The following IGF2BP3 variants were observed in gnomAD, a reference collection of about 807,000 sequenced individuals.
IGF2BP3 encodes insulin-like growth factor 2 mRNA-binding protein 3.
IGF2BP3 carries 9 observed loss-of-function variants against 73.8 expected under a neutral mutation model. The ratio of observed to expected loss-of-function variants is 0.12; its 90% CI spans 0.07 to 0.21. The LOEUF (loss-of-function observed/expected upper bound fraction) is 0.21. IGF2BP3 is among the 10% of genes least tolerant of loss of function. IGF2BP3 has a pLI of 1.00. For synonymous variants in IGF2BP3, 258 were observed against 256.7 expected (o/e 1.01, Z -0.05); for missense variants, 542 against 714.0 (o/e 0.76, Z 2.75).
At chr7:23,314,184 ATT>A (rs564895732) in intron 12 of IGF2BP3, among the ~76,000 whole-genome samples, 14 of 127,796 alleles carry the variant, frequency 1.1e-4, no homozygotes, top group Admixed American at 2.3e-4. Context: ...CACCTGACTT[ATT>A]TTTTTTTTTT....
At chr7:23,319,747 A>C (rs909765007) in intron 10 of IGF2BP3, among the ~76,000 whole-genome samples, 15 of 152,162 alleles carry the variant, frequency 9.9e-5, no homozygotes, top group African/African-American at 3.6e-4. Context: ...AGAAAAGCTG[A>C]ATTTTGTTAC....
intron 6 of IGF2BP3, among the ~76,000 whole-genome samples, chr7:23,348,113 G>A (rs1406993681): frequency 6.6e-6 from 1 of 152,190 alleles, no homozygotes; most frequent in African/African-American, 2.4e-5. Context: ...AATCCCATAA[G>A]CCAAGTTGAA....
intron 10 of IGF2BP3, among the ~76,000 whole-genome samples, chr7:23,334,753 T>C (rs958362688): frequency 1.3e-5 from 2 of 152,208 alleles, no homozygotes; most frequent in Non-Finnish European, 1.5e-5. Flanking sequence ...AACTGAAAGT[T>C]TGCATAACTG....
chr7:23,397,184 T>G (rs1436074243), intron 3 of IGF2BP3, among the ~76,000 whole-genome samples: 1 of 152,066 alleles, frequency 6.6e-6, no homozygotes, highest in African/African-American at 2.4e-5. Context: ...AAGGAATCTG[T>G]TTTTTTGCGA....
At chr7:23,357,988 C>G (rs1161397545) in intron 5 of IGF2BP3, among the ~76,000 whole-genome samples, 1 of 152,208 alleles carries the variant, frequency 6.6e-6, no homozygotes, top group East Asian at 1.9e-4. Flanking sequence ...CAAACAATAA[C>G]AGGGGAGCAG....
At chr7:23,432,237 G>T (rs539817818) in intron 2 of IGF2BP3, among the ~76,000 whole-genome samples, 1 of 152,182 alleles carries the variant, frequency 6.6e-6, no homozygotes, top group African/African-American at 2.4e-5. Context: ...GTATGCACTA[G>T]AAGAGTCCAA....
At chr7:23,379,493 C>T (rs1785837241) in intron 3 of IGF2BP3, among the ~76,000 whole-genome samples, 1 of 152,174 alleles carries the variant, frequency 6.6e-6, no homozygotes, top group Non-Finnish European at 1.5e-5. Context: ...TGAACTGGGA[C>T]TAGAAGCAGG....
intron 3 of IGF2BP3, among the ~76,000 whole-genome samples, chr7:23,412,842 C>CTT (rs557467066): frequency 0.012 from 460 of 37,030 alleles, 124 homozygotes; most frequent in East Asian, 0.054. Context: ...AGACTCTGGC[C>CTT]TTTTTTTTTT....
At chr7:23,416,986 G>A (rs1363547946) in intron 3 of IGF2BP3, among the ~76,000 whole-genome samples, 2 of 152,128 alleles carry the variant, frequency 1.3e-5, no homozygotes, top group African/African-American at 4.8e-5. Context: ...AACCTGGGAG[G>A]CGGAGGTTGC....
chr7:23,342,268 A>C, intron 9 of IGF2BP3, 79 bp from the exon 10 acceptor site: 1 of 1,461,276 alleles, frequency 6.8e-7, no homozygotes, highest in Non-Finnish European at 9.5e-7. Flanking sequence ...GACAGTATTC[A>C]AACTGATCTC....
chr7:23,313,675 A>G, intron 12 of IGF2BP3, 22 bp from the exon 13 acceptor site: 3 of 1,609,074 alleles, frequency 1.9e-6, no homozygotes, highest in Non-Finnish European at 2.5e-6. Context: ...AACACATCCT[A>G]TTAGTGTCAT....
intron 2 of IGF2BP3, among the ~76,000 whole-genome samples, chr7:23,467,288 T>C (rs1181106411): frequency 6.6e-6 from 1 of 152,230 alleles, no homozygotes; most frequent in East Asian, 1.9e-4. Context: ...TGAGATGTTT[T>C]GTAGCCATCT....
Position 23,319,127 on chromosome 7 carries a change from T to C in IGF2BP3, c.1320+11A>G, listed in dbSNP as rs1357240195. 1 of 1,553,242 alleles carries C rather than the reference T, an allele frequency of 6.4e-7. No individual in the cohort carries two copies. Among genetic ancestry groups the C allele is most frequent in the Non-Finnish European group, 8.9e-7 (1 of 1,129,822 alleles). ...TAAAGAACCAGAGAACCACAGCTGGTAGAACAGTACCTTAATTGAAGCTCC... is the reference window on the plus strand; with the variant it reads ...TAAAGAACCAGAGAACCACAGCTGGCAGAACAGTACCTTAATTGAAGCTCC... On this transcript the variant is annotated intron_variant, in intron 11 of 14. Transcript: ENST00000258729.
At chr7:23,353,849 T>A (rs1336526537) in intron 5 of IGF2BP3, among the ~76,000 whole-genome samples, 1 of 152,206 alleles carries the variant, frequency 6.6e-6, no homozygotes, top group Non-Finnish European at 1.5e-5. Flanking sequence ...CTTAAGGGAA[T>A]GTGGATTAAG....
chr7:23,414,163 AAGTT>A (rs1343736393), intron 3 of IGF2BP3: 1 of 152,258 alleles, frequency 6.6e-6, no homozygotes, highest in East Asian at 1.9e-4. Flanking sequence ...AAAAAAAAAA[AAGTT>A]AGTCTCCCAG....
chr7:23,456,947 G>A (rs1788336500), intron 2 of IGF2BP3, among the ~76,000 whole-genome samples: 2 of 152,270 alleles, frequency 1.3e-5, no homozygotes, highest in East Asian at 1.9e-4. Context: ...TACTCGGGAG[G>A]CTGAGGCAGG....
rs142248733 is a variant in IGF2BP3, at chr7:23,369,558, G to C, written c.286-7817C>G. ...CACATGGACAAACAGAACCAGTTTG[G>C]TTCAGTAACAGTATCATTGAAATAC... On this transcript the variant is annotated intron_variant, in intron 3 of 14. Transcript: ENST00000258729. Among the ~76,000 whole-genome samples the C allele has an allele frequency of 1.4e-4, 22 of 152,134 alleles. No homozygotes were observed. The East Asian group carries it at 4.1e-3, about 28-fold the overall frequency.
At chr7:23,467,259 A>G (rs565256124) in intron 2 of IGF2BP3, among the ~76,000 whole-genome samples, 35 of 152,330 alleles carry the variant, frequency 2.3e-4, no homozygotes, top group Non-Finnish European at 4.6e-4. Context: ...GAGAGCTGAA[A>G]TCTACACAGG....
intron 2 of IGF2BP3, among the ~76,000 whole-genome samples, chr7:23,428,276 C>A (rs1787569231): frequency 6.6e-6 from 1 of 151,886 alleles, no homozygotes; most frequent in South Asian, 2.1e-4. Flanking sequence ...TTGAGAACAT[C>A]CTGGCTAACA....
Sources: gnomAD v4.1 joint callset for allele counts (sites outside exome capture counted in the v4.1 genomes callset) on GRCh38, gnomAD v4.1.1 for gene constraint, MANE v1.5 for transcripts, NCBI Gene and HGNC (gene_info 2026-07-23, HGNC 2026-07-21) for gene names.